Variants in MAGOHB observed in about 807,000 individuals in gnomAD.
MAGOHB encodes protein mago nashi homolog 2.
MAGOHB carries 15 observed loss-of-function variants against 20.9 expected under a neutral mutation model. The ratio of observed to expected loss-of-function variants is 0.72; its 90% CI spans 0.48 to 1.11. The LOEUF (loss-of-function observed/expected upper bound fraction) is 1.11. MAGOHB is among the 50% of genes least tolerant of loss of function. MAGOHB has a pLI of 0.00. For synonymous variants in MAGOHB, 50 were observed against 57.9 expected (o/e 0.86, Z 0.62); for missense variants, 162 against 177.6 (o/e 0.91, Z 0.50).
In MAGOHB at chr12:10,612,243, AACAT is replaced by A. The variant is rs377450250; in HGVS notation, c.94+1192_94+1195del. ...AACATAACATAACATAACATAACAT[AACAT>A]AATTAGCTGGGTGAGGTGGCGTGGG... On this transcript the variant is annotated intron_variant, in intron 1 of 4. Coordinates refer to ENST00000320756, the MANE Select transcript of MAGOHB (RefSeq NM_018048.5). Among the ~76,000 whole-genome samples the A allele has an allele frequency of 1.8e-3, 258 of 142,360 alleles. 3 individuals carry two copies. Among genetic ancestry groups the A allele is most frequent in the African/African-American group, 5.8e-3 (228 of 39,170 alleles). 93.4% of individuals were successfully genotyped at this position (142,360 alleles called of 152,430 possible). A position where few individuals can be genotyped will look rare whatever the true frequency, so the allele number is the denominator to read the frequency against.
chr12:10,600,895 T>C (rs1178231687), downstream of MAGOHB, among the ~76,000 whole-genome samples: 1 of 152,138 alleles, frequency 6.6e-6, no homozygotes, highest in African/African-American at 2.4e-5. Context: ...TACAGGGACA[T>C]GTAGTCCCTG....
chr12:10,612,489 T>A (rs1449950815), intron 1 of MAGOHB, among the ~76,000 whole-genome samples: 1 of 152,028 alleles, frequency 6.6e-6, no homozygotes. Flanking sequence ...TAATATACGT[T>A]CCTTCTCTAA....
intron 4 of MAGOHB, 46 bp from the exon 5 acceptor site, chr12:10,606,420 A>C: frequency 9.5e-7 from 1 of 1,057,072 alleles, no homozygotes; most frequent in Non-Finnish European, 1.4e-6. Context: ...CTAGGATAAA[A>C]CAATTCTTTA....
At chr12:10,608,750 T>C (rs751171513) in intron 3 of MAGOHB, 17 of 152,172 alleles carry the variant, frequency 1.1e-4, no homozygotes, top group Non-Finnish European at 7.4e-5. Context: ...ACAGACACTA[T>C]TGAAGACAAT....
chr12:10,612,329 G>C (rs1026443), intron 1 of MAGOHB, among the ~76,000 whole-genome samples: 107,848 of 151,928 alleles, frequency 0.71, 39,011 homozygotes, highest in East Asian at 0.99. Flanking sequence ...ACTAGGGAGG[G>C]GGAGGTTGCA....
At chr12:10,602,778 G>A (rs368548535), downstream of MAGOHB, among the ~76,000 whole-genome samples, 3 of 151,958 alleles carry the variant, frequency 2.0e-5, no homozygotes, top group Non-Finnish European at 4.4e-5. Context: ...TGACCATACC[G>A]TTAGCTAGAA....
Position 10,604,909 on chromosome 12 carries a change from C to T in MAGOHB, c.*1366G>A, listed in dbSNP as rs139787307. The T allele has an allele frequency of 3.7e-4, 56 of 152,078 alleles. No homozygotes were observed. The highest frequency in any genetic ancestry group is 1.2e-3 in the African/African-American group (48 of 41,472). The allele number at this position is 152,078 out of a possible 1,614,324, so 9.4% of individuals were successfully genotyped here. On this transcript the variant is annotated 3_prime_UTR_variant, in exon 5 of 5. Transcript: ENST00000320756. ...AGAGCTATACTGTCCAAACGGTAGC[C>T]GCTAGACACGTGGCTACCTAAATTT...
intron 1 of MAGOHB, chr12:10,612,606 G>A (rs528405044): frequency 9.9e-7 from 1 of 1,012,176 alleles, no homozygotes; most frequent in Admixed American, 4.7e-5. Flanking sequence ...AGACAAATCT[G>A]CTTTAGTTAA....
chr12:10,612,205 CATAACAT>C (rs1865757984), intron 1 of MAGOHB, among the ~76,000 whole-genome samples: 1 of 143,698 alleles, frequency 7.0e-6, no homozygotes, highest in Non-Finnish European at 1.5e-5. Flanking sequence ...CATAACATAA[CATAACAT>C]AACATAACAT....
chr12:10,608,496 G>A (rs1011486043), intron 3 of MAGOHB: 2 of 149,470 alleles, frequency 1.3e-5, no homozygotes. Context: ...GAAAATACTT[G>A]TTGATATTTA....
downstream of MAGOHB, among the ~76,000 whole-genome samples, chr12:10,601,231 C>T (rs1012591726): frequency 3.3e-5 from 5 of 152,050 alleles, no homozygotes; most frequent in Non-Finnish European, 7.4e-5. Flanking sequence ...GATACTGTCA[C>T]GTATTGGAGT....
chr12:10,607,772 T>C (rs1865655235), intron 4 of MAGOHB, 82 bp downstream of exon 4: 2 of 760,476 alleles, frequency 2.6e-6, no homozygotes, highest in Non-Finnish European at 4.4e-6. Context: ...ACTGAAATTA[T>C]CTTGGCTAGC....
intron 4 of MAGOHB, 135 bp from the exon 5 acceptor site, chr12:10,606,509 C>A: frequency 1.7e-6 from 1 of 603,856 alleles, no homozygotes. Context: ...ATTTTGCTGA[C>A]AACTAAAATG....
intron 1 of MAGOHB, among the ~76,000 whole-genome samples, chr12:10,611,323 G>A (rs1865730484): frequency 6.6e-6 from 1 of 152,158 alleles, no homozygotes; most frequent in African/African-American, 2.4e-5. Flanking sequence ...TTGTTAGCTA[G>A]TTTATATTTA....
Position 10,607,851 on chromosome 12 carries a change from TACTTTGACTGATTTACATCAATA to T in MAGOHB, c.327_347+2del. 6.5e-7 allele frequency: 1 copy of T among 1,547,378 alleles called. No homozygotes were observed. The highest frequency in any genetic ancestry group is 8.9e-7 in the Non-Finnish European group (1 of 1,127,270). The stretch of plus-strand genomic sequence containing the variant: ...CTTCGCCAAAATGCTTTAACATACT[TACTTTGACTGATTTACATCAATA>T]AGAGAACCTATTTTTGATGTGGTAA... On this transcript the variant is annotated splice_donor_variant and coding_sequence_variant, in exon 4 of 5. Transcript: ENST00000320756. LOFTEE classifies it high-confidence loss of function.
downstream of MAGOHB, among the ~76,000 whole-genome samples, chr12:10,600,720 G>T (rs570646484): frequency 6.6e-6 from 1 of 152,298 alleles, no homozygotes; most frequent in African/African-American, 2.4e-5. Context: ...GACCCTGCCA[G>T]AATGTACTCA....
chr12:10,612,705 A>G (rs1865769539), intron 1 of MAGOHB: 2 of 1,158,022 alleles, frequency 1.7e-6, no homozygotes, highest in Non-Finnish European at 2.2e-6. Flanking sequence ...CAAAAAATAT[A>G]TATCCAAATG....
chr12:10,606,554 T>C (rs112166101), intron 4 of MAGOHB, among the ~76,000 whole-genome samples, 180 bp from the exon 5 acceptor site: 2 of 152,146 alleles, frequency 1.3e-5, no homozygotes, highest in African/African-American at 4.8e-5. Context: ...TACGAAAAAA[T>C]AGTTTCTTCA....
intron 3 of MAGOHB, chr12:10,609,518 C>G: frequency 2.6e-6 from 1 of 392,006 alleles, no homozygotes; most frequent in Non-Finnish European, 4.8e-6. Flanking sequence ...TTTACATAGT[C>G]ATATTCTTAA....
Sources: gnomAD v4.1 joint callset for allele counts (sites outside exome capture counted in the v4.1 genomes callset) on GRCh38, gnomAD v4.1.1 for gene constraint, MANE v1.5 for transcripts, NCBI Gene and HGNC (gene_info 2026-07-23, HGNC 2026-07-21) for gene names.